AKAP13: variants seen among roughly 807,000 people sequenced by gnomAD.
The protein encoded by AKAP13 is A-kinase anchoring protein 13.
In AKAP13, 80 loss-of-function variants were observed where a neutral mutation model predicts 264.5. That is an observed-to-expected ratio of 0.30 (90% CI 0.25 to 0.36). The LOEUF is 0.36. Ranked by LOEUF, AKAP13 falls within the 10% of genes least tolerant of loss-of-function variation. AKAP13 has a pLI of 1.00. For synonymous variants in AKAP13, 1,380 were observed against 1,250.2 expected, an observed-to-expected ratio of 1.10 and a Z score of -2.19; for missense variants, 3,712 against 3,435.2, an observed-to-expected ratio of 1.08 and a Z score of -2.01.
chr15:85,558,714 T>TA (rs1451185930), intron 5 of AKAP13, among the ~76,000 whole-genome samples: 1 of 152,220 alleles, frequency 6.6e-6, no homozygotes, highest in Non-Finnish European at 1.5e-5. Context: ...TTTGGGTTCA[T>TA]ATTTAGTTCT....
chr15:85,573,128 T>C (rs1464009255), intron 5 of AKAP13, among the ~76,000 whole-genome samples: 1 of 152,192 alleles, frequency 6.6e-6, no homozygotes, highest in Admixed American at 6.5e-5. Context: ...GAAGTAATCT[T>C]TCTCATATTT....
intron 5 of AKAP13, among the ~76,000 whole-genome samples, chr15:85,562,601 ATATATC>A (rs1359194346): frequency 1.7e-4 from 23 of 137,630 alleles, no homozygotes; most frequent in South Asian, 4.5e-4. Context: ...ATATATATAT[ATATATC>A]TCTGTCCTTA....
At position 85,655,489 on chromosome 15, in the gene AKAP13, C is replaced by T. The variant is rs1342132114; in HGVS notation, c.4447C>T (p.Arg1483Ter). 1 of 1,614,022 alleles carries T rather than the reference C, an allele frequency of 6.2e-7. No homozygotes were observed. The highest frequency in any genetic ancestry group is 1.3e-5 in the African/African-American group (1 of 74,910). The change falls in exon 11 of 37, where the codon CGA becomes TGA. Residue 1483 changes from arginine (R) to a stop codon, truncating the protein, a stop_gained. Transcript: ENST00000394518. LOFTEE classifies it high-confidence loss of function. ...CACCGATGACACGGCTTCACTGGAC[C>T]GACATTCTTCTCATGGCAGTGATGT... is the stretch of plus-strand genomic sequence containing the variant. ...SSTDDTASLD[R>*]HSSHGSDVSL...
At chr15:85,512,854 TATGTATG>T (rs1408921074) in intron 2 of AKAP13, among the ~76,000 whole-genome samples, 1 of 151,522 alleles carries the variant, frequency 6.6e-6, no homozygotes, top group East Asian at 1.9e-4. Flanking sequence ...TGTATGTATG[TATGTATG>T]TATGTATGTT....
Position 85,582,036 on chromosome 15 carries a change from C to A in AKAP13, c.3968C>A (p.Ala1323Glu), listed in dbSNP as rs753035527. 1.2e-6 allele frequency: 2 copies of A among 1,613,992 alleles called. No individual in the cohort carries two copies. Among genetic ancestry groups the A allele is most frequent in the Non-Finnish European group, 1.7e-6 (2 of 1,179,966 alleles). ...STPEEATGSL[A>E]GCFAGREEPE... ...CCTGAGGAAGCCACGGGGAGCCTTG[C>A]AGGATGTTTTGCTGGAAGGGAGGAG... Residue 1323 changes from alanine to glutamate, a missense_variant, in exon 7 of 37, where the codon GCA becomes GAA. Transcript: ENST00000394518.
chr15:85,737,752 C>T (rs1192330339), intron 33 of AKAP13, among the ~76,000 whole-genome samples: 3 of 152,212 alleles, frequency 2.0e-5, no homozygotes, highest in South Asian at 2.1e-4. Context: ...ATTCTCCTGC[C>T]TCGGCCTCCA....
chr15:85,711,795 G>A (rs960193850), intron 19 of AKAP13, among the ~76,000 whole-genome samples: 5 of 152,166 alleles, frequency 3.3e-5, no homozygotes, highest in South Asian at 4.1e-4. Flanking sequence ...ATCACAAACC[G>A]TGGGATGGGA....
At chr15:85,615,456 A>G (rs1449321513) in intron 8 of AKAP13, among the ~76,000 whole-genome samples, 2 of 152,172 alleles carry the variant, frequency 1.3e-5, no homozygotes, top group Non-Finnish European at 2.9e-5. Context: ...ATTGTAAAGT[A>G]TTTTCTTCTT....
chr15:85,445,716 C>CAGAG (rs34782143), intron 1 of AKAP13, among the ~76,000 whole-genome samples: 82,974 of 151,392 alleles, frequency 0.55, 23,547 homozygotes, highest in African/African-American at 0.66. Flanking sequence ...AAGGCACAAA[C>CAGAG]AGAGCTAAAA....
intron 1 of AKAP13, among the ~76,000 whole-genome samples, chr15:85,397,674 A>G (rs2071186138): frequency 6.6e-6 from 1 of 152,220 alleles, no homozygotes; most frequent in African/African-American, 2.4e-5. Flanking sequence ...ATTTTACCAG[A>G]AAAGGAAATT....
intron 1 of AKAP13, among the ~76,000 whole-genome samples, chr15:85,420,230 C>T (rs1362216733): frequency 2.6e-5 from 4 of 151,436 alleles, no homozygotes; most frequent in East Asian, 1.9e-4. Flanking sequence ...CGTGAGCCAC[C>T]GCGCCCGGCC....
intron 1 of AKAP13, among the ~76,000 whole-genome samples, chr15:85,436,373 CTT>C (rs1567055816): frequency 8.2e-6 from 1 of 122,436 alleles, no homozygotes; most frequent in Non-Finnish European, 1.7e-5. Flanking sequence ...TAATGGGAGA[CTT>C]TAACACCCCA....
At chr15:85,439,838 G>T (rs1596179676) in intron 1 of AKAP13, among the ~76,000 whole-genome samples, 2 of 98,544 alleles carry the variant, frequency 2.0e-5, no homozygotes, top group East Asian at 3.8e-4. Context: ...GGGGAGGGGG[G>T]AGGGATAGCA....
chr15:85,668,526 G>A (rs1807309), intron 13 of AKAP13, among the ~76,000 whole-genome samples: 24,415 of 152,160 alleles, frequency 0.16, 2,283 homozygotes, highest in Non-Finnish European at 0.22. Flanking sequence ...TTACCTTTAC[G>A]TTCATGTAGA....
intron 33 of AKAP13, among the ~76,000 whole-genome samples, chr15:85,737,869 C>T (rs928699032): frequency 6.6e-6 from 1 of 152,006 alleles, no homozygotes; most frequent in Non-Finnish European, 1.5e-5. Flanking sequence ...GAACTCCTGA[C>T]CTCAGGTGAT....
chr15:85,472,357 C>CA (rs1667891646), intron 1 of AKAP13, among the ~76,000 whole-genome samples: 1 of 146,626 alleles, frequency 6.8e-6, no homozygotes, highest in South Asian at 2.2e-4. Flanking sequence ...AAAAAAAAAA[C>CA]AAAGACAACA....
intron 1 of AKAP13, among the ~76,000 whole-genome samples, chr15:85,473,331 G>C (rs2075035421): frequency 6.6e-6 from 1 of 152,158 alleles, no homozygotes; most frequent in African/African-American, 2.4e-5. Flanking sequence ...GAAGGCACAA[G>C]TAAGAGAAGA....
chr15:85,482,021 T>C (rs2075367509), intron 1 of AKAP13, among the ~76,000 whole-genome samples: 1 of 152,236 alleles, frequency 6.6e-6, no homozygotes, highest in Non-Finnish European at 1.5e-5. Flanking sequence ...TTTTTAAGTG[T>C]GTTTACTCTG....
intron 7 of AKAP13, among the ~76,000 whole-genome samples, chr15:85,584,344 T>C (rs1196782343): frequency 2.0e-5 from 3 of 152,146 alleles, no homozygotes; most frequent in Middle Eastern, 3.2e-3. Context: ...AATCACTGTT[T>C]TCTAGTGTGA....
Sources: allele counts gnomAD v4.1 joint callset (sites outside exome capture counted in the v4.1 genomes callset), GRCh38; gene constraint gnomAD v4.1.1; transcripts MANE v1.5; gene names NCBI Gene and HGNC (gene_info 2026-07-23, HGNC 2026-07-21).